Variants in KCNJ6 observed in about 807,000 individuals in gnomAD.
KCNJ6 encodes potassium inwardly rectifying channel subfamily J member 6.
Under a neutral mutation model 34.2 loss-of-function variants are expected in KCNJ6, and 9 were observed. The observed-to-expected ratio is 0.26, with a 90% CI of 0.16 to 0.46. KCNJ6 has a LOEUF of 0.46. KCNJ6 is among the 20% of genes least tolerant of loss of function. The pLI, the probability that KCNJ6 is intolerant of heterozygous loss-of-function variation, is 1.00. For missense variants in KCNJ6, 236 were observed against 531.3 expected (o/e 0.44, Z 5.46); for synonymous variants, 196 against 207.1 (o/e 0.95, Z 0.46).
intron 1 of KCNJ6, among the ~76,000 whole-genome samples, chr21:37,898,574 C>G (rs1466034841): frequency 6.8e-6 from 1 of 147,912 alleles, no homozygotes; most frequent in Non-Finnish European, 1.5e-5. Context: ...AGAGCAAAGA[C>G]TCCATCTCAA....
Position 37,894,338 on chromosome 21 carries a change from T to C in KCNJ6, c.-28+21546A>G, listed in dbSNP as rs558998663. 4.4e-4 allele frequency among the ~76,000 whole-genome samples: 67 copies of C among 152,318 alleles called. 2 individuals carry two copies. The highest frequency in any genetic ancestry group is 1.4e-3 in the African/African-American group (60 of 41,576). On this transcript the variant is annotated intron_variant, in intron 1 of 3. Transcript: ENST00000609713. ...GAGCCCCAGATAACTGCTGTGCACA[T>C]TGAGGTTTGAGAAACACTAACTTAC...
intron 2 of KCNJ6, among the ~76,000 whole-genome samples, chr21:37,733,605 T>A (rs909333635): frequency 2.0e-5 from 3 of 152,232 alleles, no homozygotes; most frequent in Non-Finnish European, 1.5e-5. Flanking sequence ...TTCACTTTTT[T>A]AGGGTTTTTT....
chr21:37,647,629 G>C (rs113881492), intron 3 of KCNJ6, among the ~76,000 whole-genome samples: 1 of 152,044 alleles, frequency 6.6e-6, no homozygotes, highest in Non-Finnish European at 1.5e-5. Context: ...CAAACATTAG[G>C]GACAGTCTCC....
intron 1 of KCNJ6, among the ~76,000 whole-genome samples, chr21:37,908,729 T>A (rs938074704): frequency 5.9e-5 from 9 of 152,208 alleles, no homozygotes; most frequent in Non-Finnish European, 7.3e-5. Flanking sequence ...TAATTTATTT[T>A]AAAAAAATAC....
chr21:37,830,500 G>T (rs1223285536), intron 2 of KCNJ6, among the ~76,000 whole-genome samples: 1 of 152,116 alleles, frequency 6.6e-6, no homozygotes, highest in Non-Finnish European at 1.5e-5. Context: ...TAGAGGGAGG[G>T]TGCTACTGGC....
intron 1 of KCNJ6, among the ~76,000 whole-genome samples, chr21:37,853,863 A>ATATATATATATATATATATAT (rs1568872544): frequency 1.5e-4 from 6 of 38,844 alleles, no homozygotes; most frequent in African/African-American, 1.3e-3. Flanking sequence ...TATATATATA[A>ATATATATATATATATATATAT]ATTACATTGT....
rs114314577 is a variant in KCNJ6 at position 37,715,961 on chromosome 21, G to A, written c.26-830C>T. ...GACTTACAACACACTATCCAAATTC[G>A]TGAGCCTCAGTTTCCTCATTTACAA... On this transcript the variant is annotated intron_variant, in intron 2 of 3. Coordinates refer to ENST00000609713, the MANE Select transcript of KCNJ6 (RefSeq NM_002240.5). Among the ~76,000 whole-genome samples, 502 of 152,288 alleles carry A rather than the reference G, an allele frequency of 3.3e-3. 1 individual carries two copies. The highest frequency in any genetic ancestry group is 0.012 in the African/African-American group (478 of 41,560).
chr21:37,896,180 C>G (rs1008306648), intron 1 of KCNJ6, among the ~76,000 whole-genome samples: 1 of 152,168 alleles, frequency 6.6e-6, no homozygotes, highest in African/African-American at 2.4e-5. Context: ...ACAACCCGAT[C>G]TCGTAAGAAC....
intron 2 of KCNJ6, among the ~76,000 whole-genome samples, chr21:37,810,188 C>T (rs1352562147): frequency 2.6e-5 from 4 of 152,130 alleles, no homozygotes; most frequent in Admixed American, 6.5e-5. Flanking sequence ...TACATAACAC[C>T]CTTTTCACTT....
intron 2 of KCNJ6, among the ~76,000 whole-genome samples, chr21:37,785,200 G>A (rs2055187123): frequency 6.6e-6 from 1 of 152,230 alleles, no homozygotes; most frequent in Non-Finnish European, 1.5e-5. Context: ...ATGGGCCCAT[G>A]AGGATGAGAA....
chr21:37,676,760 G>A (rs748005013), intron 3 of KCNJ6, among the ~76,000 whole-genome samples: 1 of 152,364 alleles, frequency 6.6e-6, no homozygotes, highest in Non-Finnish European at 1.5e-5. Flanking sequence ...CTGGCACTTA[G>A]AGGTAGAGGC....
intron 1 of KCNJ6, among the ~76,000 whole-genome samples, chr21:37,912,146 C>G (rs1005133544): frequency 6.6e-6 from 1 of 152,052 alleles, no homozygotes; most frequent in Non-Finnish European, 1.5e-5. Context: ...GAAGAGGTAT[C>G]AAAATGATTT....
At chr21:37,734,224 G>A (rs950376204) in intron 2 of KCNJ6, among the ~76,000 whole-genome samples, 24 of 152,214 alleles carry the variant, frequency 1.6e-4, no homozygotes, top group African/African-American at 4.8e-4. Flanking sequence ...CTTCACTAGC[G>A]GGGAGAAACC....
chr21:37,739,888 G>A (rs766285523), intron 2 of KCNJ6, among the ~76,000 whole-genome samples: 8 of 149,562 alleles, frequency 5.3e-5, no homozygotes, highest in Non-Finnish European at 1.2e-4. Flanking sequence ...TAAAAATTTT[G>A]GTTCATGAAC....
chr21:37,658,339 C>T (rs1422732832), intron 3 of KCNJ6, among the ~76,000 whole-genome samples: 2 of 152,236 alleles, frequency 1.3e-5, no homozygotes, highest in African/African-American at 4.8e-5. Context: ...CTTGGAAATG[C>T]CTACCCACGT....
chr21:37,789,391 G>C (rs1242908989), intron 2 of KCNJ6, among the ~76,000 whole-genome samples: 1 of 152,148 alleles, frequency 6.6e-6, no homozygotes, highest in African/African-American at 2.4e-5. Context: ...ATCTCTTTTA[G>C]GAAAGGCCAT....
At chr21:37,718,585 C>T (rs2054806907) in intron 2 of KCNJ6, among the ~76,000 whole-genome samples, 1 of 151,704 alleles carries the variant, frequency 6.6e-6, no homozygotes, top group Admixed American at 6.6e-5. Flanking sequence ...AAAGTAAACA[C>T]TGCATATTCT....
rs2054273516 is a variant in KCNJ6, at chr21:37,617,077, CTTTCT to C, written c.*8077_*8081del. On this transcript the variant is annotated 3_prime_UTR_variant, in exon 4 of 4. Coordinates refer to ENST00000609713, the MANE Select transcript of KCNJ6 (RefSeq NM_002240.5). Reference sequence around the variant, plus strand: ...CTTTTCTTTTCTTTTCTTTTCTTTTCTTTCTTTTTCTTTCTTTCTTTTCTTTCTTT... The same window carrying C: ...CTTTTCTTTTCTTTTCTTTTCTTTTCTTTTCTTTCTTTCTTTTCTTTCTTT... 2 of 95,706 alleles carry C rather than the reference CTTTCT, an allele frequency of 2.1e-5. No homozygotes were observed. The highest frequency in any genetic ancestry group is 4.3e-5 in the Non-Finnish European group (2 of 46,594). The allele number at this position is 95,706 out of a possible 1,614,324, so 5.9% of individuals were successfully genotyped here.
At chr21:37,762,452 T>C (rs1449261390) in intron 2 of KCNJ6, among the ~76,000 whole-genome samples, 1 of 152,172 alleles carries the variant, frequency 6.6e-6, no homozygotes, top group Non-Finnish European at 1.5e-5. Flanking sequence ...AGGCCAAGGC[T>C]GATGGGCTGG....
Sources: allele counts gnomAD v4.1 joint callset (sites outside exome capture counted in the v4.1 genomes callset), GRCh38; gene constraint gnomAD v4.1.1; transcripts MANE v1.5; gene names NCBI Gene and HGNC (gene_info 2026-07-23, HGNC 2026-07-21).